Variants in GPR158 observed in about 807,000 individuals in gnomAD.
GPR158 encodes G protein-coupled receptor 158.
Under a neutral mutation model 78.2 loss-of-function variants are expected in GPR158, and 30 were observed. That is an observed-to-expected ratio of 0.38 (90% CI 0.29 to 0.52). The LOEUF is 0.52. Among genes scored for constraint, GPR158 ranks in the 20% least tolerant of loss-of-function variants. The pLI is 0.83. For synonymous variants in GPR158, 581 were observed against 591.1 expected (o/e 0.98, Z 0.25); for missense variants, 1,463 against 1,523.5 (o/e 0.96, Z 0.66).
chr10:25,383,423 A>G (rs1009473985), intron 2 of GPR158, among the ~76,000 whole-genome samples: 4 of 152,178 alleles, frequency 2.6e-5, no homozygotes, highest in Non-Finnish European at 5.9e-5. Context: ...GAAGTGACAG[A>G]CCAGACTGCC....
At chr10:25,229,058 T>A (rs1049187461) in intron 2 of GPR158, among the ~76,000 whole-genome samples, 3 of 151,124 alleles carry the variant, frequency 2.0e-5, no homozygotes, top group Admixed American at 2.0e-4. Context: ...AAAAGATGAT[T>A]TGTATAAGCT....
At chr10:25,245,636 T>A (rs1171886797) in intron 2 of GPR158, among the ~76,000 whole-genome samples, 1 of 152,140 alleles carries the variant, frequency 6.6e-6, no homozygotes, top group Non-Finnish European at 1.5e-5. Context: ...CATAAAAGTT[T>A]AAAAATTTTC....
chr10:25,305,420 G>A (rs1313964418), intron 2 of GPR158, among the ~76,000 whole-genome samples: 1 of 152,168 alleles, frequency 6.6e-6, no homozygotes, highest in Non-Finnish European at 1.5e-5. Context: ...TCAAAGTGTG[G>A]ATGGGGACCA....
intron 2 of GPR158, among the ~76,000 whole-genome samples, chr10:25,387,161 A>T (rs1576319): frequency 2.6e-5 from 4 of 151,982 alleles, no homozygotes; most frequent in Non-Finnish European, 1.5e-5. Flanking sequence ...TATTTTTAGT[A>T]TGTTGGGTGT....
chr10:25,415,499 A>G (rs1321704920), intron 4 of GPR158, among the ~76,000 whole-genome samples: 1 of 152,102 alleles, frequency 6.6e-6, no homozygotes, highest in Non-Finnish European at 1.5e-5. Flanking sequence ...AAAAGATGGT[A>G]GCAAGTGTTG....
At chr10:25,576,349 A>G (rs1837095906) in intron 7 of GPR158, among the ~76,000 whole-genome samples, 2 of 152,214 alleles carry the variant, frequency 1.3e-5, no homozygotes, top group South Asian at 4.1e-4. Context: ...ATCACAACCC[A>G]TTCCTAGCTC....
intron 2 of GPR158, among the ~76,000 whole-genome samples, chr10:25,358,869 TTTATGGCATAAA>T (rs1369719591): frequency 1.3e-5 from 2 of 152,134 alleles, no homozygotes; most frequent in Non-Finnish European, 2.9e-5. Flanking sequence ...TGAGACTTGT[TTTATGGCATAAA>T]TTATGGCTAT....
chr10:25,508,120 A>G (rs191618519), intron 5 of GPR158, among the ~76,000 whole-genome samples: 302 of 152,324 alleles, frequency 2.0e-3, no homozygotes, highest in African/African-American at 7.1e-3. Context: ...AATTTTTAGA[A>G]TTAGATGCTA....
At chr10:25,304,001 C>T (rs1370611153) in intron 2 of GPR158, among the ~76,000 whole-genome samples, 1 of 152,004 alleles carries the variant, frequency 6.6e-6, no homozygotes, top group African/African-American at 2.4e-5. Flanking sequence ...GTGTGTGGTG[C>T]CTATATATGA....
chr10:25,340,544 A>G (rs1207637389), intron 2 of GPR158, among the ~76,000 whole-genome samples: 1 of 152,096 alleles, frequency 6.6e-6, no homozygotes, highest in Non-Finnish European at 1.5e-5. Flanking sequence ...AAAGAATCAA[A>G]TGGATAGTCT....
intron 5 of GPR158, among the ~76,000 whole-genome samples, chr10:25,519,464 A>G (rs1340355537): frequency 1.7e-5 from 2 of 120,470 alleles, no homozygotes; most frequent in Non-Finnish European, 1.7e-5. Context: ...GTTTCTTCCT[A>G]GTCTCGATGG....
intron 2 of GPR158, among the ~76,000 whole-genome samples, chr10:25,366,457 T>C (rs900227977): frequency 6.6e-6 from 1 of 151,694 alleles, no homozygotes; most frequent in Non-Finnish European, 1.5e-5. Context: ...ATAAAAATTA[T>C]ATGTATTTAT....
At chr10:25,540,793 G>T (rs911063162) in intron 5 of GPR158, among the ~76,000 whole-genome samples, 1 of 151,820 alleles carries the variant, frequency 6.6e-6, no homozygotes, top group Non-Finnish European at 1.5e-5. Context: ...GGCCTGTCGT[G>T]GGGTGGGGGG....
intron 7 of GPR158, among the ~76,000 whole-genome samples, chr10:25,584,005 T>C (rs1009813406): frequency 2.6e-5 from 4 of 152,256 alleles, no homozygotes; most frequent in African/African-American, 9.6e-5. Context: ...GGCCCAGCCG[T>C]TTGAAAAAAT....
At chr10:25,589,917 T>A (rs907622062) in intron 8 of GPR158, among the ~76,000 whole-genome samples, 2 of 152,198 alleles carry the variant, frequency 1.3e-5, no homozygotes, top group Non-Finnish European at 2.9e-5. Flanking sequence ...AAGATGTCAT[T>A]CAATTGCTTG....
chr10:25,206,080 G>C (rs746853909), intron 1 of GPR158, among the ~76,000 whole-genome samples: 3 of 151,368 alleles, frequency 2.0e-5, no homozygotes, highest in Non-Finnish European at 4.4e-5. Flanking sequence ...CTGCCTCCCA[G>C]GTTCATGCCA....
chr10:25,530,733 T>C (rs1176534580), intron 5 of GPR158, among the ~76,000 whole-genome samples: 1 of 152,258 alleles, frequency 6.6e-6, no homozygotes, highest in South Asian at 2.1e-4. Context: ...AAGACATCTT[T>C]AGAGGAAGTG....
At chr10:25,400,716 G>A (rs951822963) in intron 3 of GPR158, among the ~76,000 whole-genome samples, 3 of 152,122 alleles carry the variant, frequency 2.0e-5, no homozygotes, top group African/African-American at 4.8e-5. Flanking sequence ...TCTTAGTATG[G>A]ATTCTGTCTT....
rs1853621729 is a variant in GPR158, at chr10:25,241,355, CTTTTCTCTTT to C, written c.1008+20200_1008+20209del. 6.0e-5 allele frequency among the ~76,000 whole-genome samples: 7 copies of C among 116,872 alleles called. No individual in the cohort carries two copies. The South Asian group carries it at 1.9e-3, about 32-fold the overall frequency. The allele number at this position is 116,872 out of a possible 152,430, so 76.7% of individuals were successfully genotyped here. Reference sequence around the variant, plus strand: ...TCTTCTCTTTTCTCTTTTCTCTTTTCTTTTCTCTTTTCTTTTCTCTCTTCTCTTCTCTTCT... The same window carrying C: ...TCTTCTCTTTTCTCTTTTCTCTTTTCTCTTTTCTCTCTTCTCTTCTCTTCT... On this transcript the variant is annotated intron_variant, in intron 2 of 10. Coordinates refer to ENST00000376351, the MANE Select transcript of GPR158 (RefSeq NM_020752.3).
Sources: gnomAD v4.1 joint callset for allele counts (sites outside exome capture counted in the v4.1 genomes callset) on GRCh38, gnomAD v4.1.1 for gene constraint, MANE v1.5 for transcripts, NCBI Gene and HGNC (gene_info 2026-07-23, HGNC 2026-07-21) for gene names.